The following REEP3 variants were observed in gnomAD, a reference collection of about 807,000 sequenced individuals.
REEP3 encodes the protein receptor accessory protein 3.
REEP3 carries 20 observed loss-of-function variants against 41.3 expected under a neutral mutation model. The observed-to-expected ratio is 0.48, with a 90% CI of 0.34 to 0.70. REEP3 has a LOEUF of 0.70. Ranked by LOEUF, REEP3 falls within the 30% of genes least tolerant of loss-of-function variation. The probability of loss-of-function intolerance (pLI) is 0.01; values close to 1 mark genes in which losing one functional copy is unlikely to be tolerated. For missense variants in REEP3, 271 were observed against 308.8 expected (o/e 0.88, Z 0.92); for synonymous variants, 104 against 101.8 (o/e 1.02, Z -0.13).
At chr10:63,548,476 T>C (rs879757805) in intron 1 of REEP3, among the ~76,000 whole-genome samples, 1 of 152,200 alleles carries the variant, frequency 6.6e-6, no homozygotes, top group Non-Finnish European at 1.5e-5. Context: ...CAAAGAACAT[T>C]AGACACTCCC....
intron 1 of REEP3, among the ~76,000 whole-genome samples, chr10:63,564,619 T>G (rs762513524): frequency 1.4e-5 from 2 of 141,476 alleles, no homozygotes; most frequent in Non-Finnish European, 3.2e-5. Flanking sequence ...AGACCCTGTC[T>G]CAGAAAAAAA....
rs555370079 is a variant in REEP3 at position 63,526,265 on chromosome 10, A to G, written c.32+4688A>G. On this transcript the variant is annotated intron_variant, in intron 1 of 7. Transcript: ENST00000373758. Reference sequence around the variant, plus strand: ...CCTATTTAGTATCTTCTGTTTGATCAGGCCAGTATTATTTTCTTAGCCATT... The same window carrying G: ...CCTATTTAGTATCTTCTGTTTGATCGGGCCAGTATTATTTTCTTAGCCATT... Among the ~76,000 whole-genome samples the G allele has an allele frequency of 5.3e-5, 8 of 152,256 alleles. No homozygotes were observed. The South Asian group carries it at 1.2e-3, about 24-fold the overall frequency.
chr10:63,619,536 C>A, intron 6 of REEP3, 119 bp from the exon 7 acceptor site: 1 of 804,412 alleles, frequency 1.2e-6, no homozygotes, highest in Non-Finnish European at 1.9e-6. Context: ...ATTCCAGATG[C>A]AAAAAGAGTA....
chr10:63,524,772 T>G (rs186360038), intron 1 of REEP3, among the ~76,000 whole-genome samples: 2 of 152,248 alleles, frequency 1.3e-5, no homozygotes, highest in African/African-American at 4.8e-5. Context: ...AGCTGCGTGG[T>G]CTTGGGCAGC....
chr10:63,594,789 G>A lies in REEP3; in HGVS notation c.117G>A (p.Met39Ile). The change falls in exon 3 of 8, where the codon ATG (methionine) becomes ATA (isoleucine). Residue 39 changes from methionine to isoleucine, a missense_variant. Physicochemically the swap from Met to Ile is conservative, Grantham distance 10. Coordinates refer to ENST00000373758, the MANE Select transcript of REEP3 (RefSeq NM_001001330.3). ...TTTATTATTTCCAGGTTCGATGGATGATGTACTGGATTGTTTTTGCTCTCT... is the reference window on the plus strand; with the variant it reads ...TTTATTATTTCCAGGTTCGATGGATAATGTACTGGATTGTTTTTGCTCTCT... ...TKNVKEYVRW[M>I]MYWIVFALYT... 5 of 1,607,668 alleles carry A rather than the reference G, an allele frequency of 3.1e-6. No individual in the cohort carries two copies. Among genetic ancestry groups the A allele is most frequent in the Non-Finnish European group, 4.3e-6 (5 of 1,174,234 alleles).
chr10:63,545,055 C>G (rs79290021), intron 1 of REEP3, among the ~76,000 whole-genome samples: 3,670 of 152,150 alleles, frequency 0.024, 105 homozygotes, highest in Middle Eastern at 0.068. Flanking sequence ...ATTTCTGTGG[C>G]TATCTTATTT....
chr10:63,601,723 A>G (rs1250893319), intron 5 of REEP3, among the ~76,000 whole-genome samples: 1 of 152,154 alleles, frequency 6.6e-6, no homozygotes, highest in Non-Finnish European at 1.5e-5. Context: ...GTTCAAGACC[A>G]TCCTGGCCAA....
intron 1 of REEP3, among the ~76,000 whole-genome samples, chr10:63,536,305 G>A (rs1056002712): frequency 6.6e-6 from 1 of 152,168 alleles, no homozygotes; most frequent in Non-Finnish European, 1.5e-5. Context: ...TGTTTCATCA[G>A]ATGTGTACAC....
intron 6 of REEP3, among the ~76,000 whole-genome samples, chr10:63,615,743 GC>G (rs1956307110): frequency 6.6e-6 from 1 of 151,288 alleles, no homozygotes; most frequent in African/African-American, 2.4e-5. Flanking sequence ...ATGGGGTTTT[GC>G]CATATTGGCC....
At chr10:63,555,960 G>A (rs185611808) in intron 1 of REEP3, among the ~76,000 whole-genome samples, 16 of 152,136 alleles carry the variant, frequency 1.1e-4, no homozygotes, top group African/African-American at 3.9e-4. Context: ...TCTACAATCA[G>A]TGAAAATAAG....
chr10:63,592,503 T>A (rs964905531), intron 2 of REEP3, among the ~76,000 whole-genome samples: 2 of 152,214 alleles, frequency 1.3e-5, no homozygotes, highest in African/African-American at 4.8e-5. Flanking sequence ...AAATCCCTGC[T>A]AGCTTAACAA....
rs780438826 is a variant in REEP3, at chr10:63,620,890, C to A, written c.*21C>A. ...TTTAGTCATCTACACGTCAAATATCCCAAGACAGATTATGCTAAATACATC... is the reference window on the plus strand; with the variant it reads ...TTTAGTCATCTACACGTCAAATATCACAAGACAGATTATGCTAAATACATC... On this transcript the variant is annotated 3_prime_UTR_variant, in exon 8 of 8. Transcript: ENST00000373758. 20 of 1,532,290 alleles carry A rather than the reference C, an allele frequency of 1.3e-5. No homozygotes were observed. The highest frequency in any genetic ancestry group is 9.0e-5 in the East Asian group (4 of 44,252). 94.9% of individuals were successfully genotyped at this position (1,532,290 alleles called of 1,614,324 possible).
chr10:63,566,146 A>T (rs899283318), intron 1 of REEP3, among the ~76,000 whole-genome samples, 192 bp from the exon 2 acceptor site: 4 of 152,138 alleles, frequency 2.6e-5, no homozygotes, highest in Admixed American at 6.5e-5. Context: ...GACCTCCCAA[A>T]GTGCTGGGAT....
chr10:63,612,617 CCT>C (rs1371678627), intron 6 of REEP3, among the ~76,000 whole-genome samples: 1 of 152,006 alleles, frequency 6.6e-6, no homozygotes, highest in East Asian at 1.9e-4. Context: ...ATGGCGAAAC[CCT>C]GTCTCCACCA....
At chr10:63,530,663 A>T (rs1160861043) in intron 1 of REEP3, among the ~76,000 whole-genome samples, 1 of 152,138 alleles carries the variant, frequency 6.6e-6, no homozygotes. Flanking sequence ...ATTTTTTGTT[A>T]CTGTTGCTCT....
intron 2 of REEP3, among the ~76,000 whole-genome samples, chr10:63,580,717 A>G (rs959997566): frequency 1.1e-4 from 17 of 152,196 alleles, no homozygotes; most frequent in African/African-American, 2.4e-4. Context: ...TAAACTACCT[A>G]TAATTTTTAT....
In REEP3 at chr10:63,579,968, A is replaced by G. The variant is rs185687010; in HGVS notation, c.105+13558A>G. Among the ~76,000 whole-genome samples the G allele has an allele frequency of 4.9e-3, 754 of 152,344 alleles. 2 individuals are homozygous for G. The highest frequency in any genetic ancestry group is 0.015 in the African/African-American group (613 of 41,580). On this transcript the variant is annotated intron_variant, in intron 2 of 7. Coordinates refer to ENST00000373758, the MANE Select transcript of REEP3 (RefSeq NM_001001330.3). ...TCCCTTTTTCAGAAAACATAGCCTC[A>G]CTACTTTGAAGAAAATACCAGTAAT...
At position 63,589,586 on chromosome 10, in the gene REEP3, C is replaced by T. The variant is rs570712028; in HGVS notation, c.106-5192C>T. ...TTGGGTTCCAGGAAGCCTTTTCCTCCCCTACCTCCTTCTCACCTAGATATA... is the reference window on the plus strand; with the variant it reads ...TTGGGTTCCAGGAAGCCTTTTCCTCTCCTACCTCCTTCTCACCTAGATATA... On this transcript the variant is annotated intron_variant, in intron 2 of 7. Transcript: ENST00000373758. 2.0e-5 allele frequency among the ~76,000 whole-genome samples: 3 copies of T among 152,208 alleles called. No individual in the cohort carries two copies. In the South Asian group the frequency reaches 6.2e-4, roughly 32 times the overall value.
chr10:63,546,357 T>G (rs58668944), intron 1 of REEP3, among the ~76,000 whole-genome samples: 2,897 of 152,268 alleles, frequency 0.019, 90 homozygotes, highest in African/African-American at 0.064. Flanking sequence ...CTAGATTCAT[T>G]TTAAAGATAG....
Sources: allele counts gnomAD v4.1 joint callset (sites outside exome capture counted in the v4.1 genomes callset), GRCh38; gene constraint gnomAD v4.1.1; transcripts MANE v1.5; gene names NCBI Gene and HGNC (gene_info 2026-07-23, HGNC 2026-07-21).